The following STON2 variants were observed in gnomAD, a reference collection of about 807,000 sequenced individuals.
STON2 encodes stonin-2.
Under a neutral mutation model 65.7 loss-of-function variants are expected in STON2, and 29 were observed. That is an observed-to-expected ratio of 0.44 (90% CI 0.33 to 0.60). The LOEUF (loss-of-function observed/expected upper bound fraction) is 0.60, where lower values mean the gene tolerates loss of function less well. Among genes scored for constraint, STON2 ranks in the 20% least tolerant of loss-of-function variants. STON2 has a pLI of 0.03. For synonymous variants in STON2, 404 were observed against 414.2 expected (o/e 0.98, Z 0.30); for missense variants, 1,054 against 1,118.1 (o/e 0.94, Z 0.82).
At chr14:81,381,394 A>G (rs1357458761) in intron 3 of STON2, among the ~76,000 whole-genome samples, 1 of 152,212 alleles carries the variant, frequency 6.6e-6, no homozygotes, top group Non-Finnish European at 1.5e-5. Flanking sequence ...AAGGAGAATG[A>G]AAAGACCATT....
At chr14:81,378,944 C>A (rs1162859186) in intron 3 of STON2, among the ~76,000 whole-genome samples, 1 of 142,388 alleles carries the variant, frequency 7.0e-6, no homozygotes, top group Admixed American at 6.7e-5. Context: ...AACAGAAATA[C>A]CCCCCAAAGC....
intron 2 of STON2, among the ~76,000 whole-genome samples, chr14:81,415,259 T>C (rs1566950604): frequency 1.3e-5 from 2 of 151,432 alleles, no homozygotes; most frequent in African/African-American, 4.9e-5. Context: ...GGTACTATTA[T>C]TAATAACACC....
intron 5 of STON2, among the ~76,000 whole-genome samples, chr14:81,318,556 A>G (rs1202821503): frequency 6.6e-6 from 1 of 152,198 alleles, no homozygotes; most frequent in Admixed American, 6.5e-5. Context: ...TCTCACACTA[A>G]AAAAGTGAAA....
At chr14:81,368,639 G>A (rs188714459) in intron 4 of STON2, among the ~76,000 whole-genome samples, 73 of 152,234 alleles carry the variant, frequency 4.8e-4, no homozygotes, top group South Asian at 1.0e-3. Context: ...ACTTGAGCCT[G>A]GGAGACAGAG....
intron 2 of STON2, among the ~76,000 whole-genome samples, chr14:81,408,157 A>ACACACG (rs147841517): frequency 1.5e-4 from 22 of 150,522 alleles, no homozygotes; most frequent in African/African-American, 5.4e-4. Flanking sequence ...ACACACACAC[A>ACACACG]CGCGCACACA....
intron 4 of STON2, among the ~76,000 whole-genome samples, chr14:81,358,217 TC>T (rs1371293907): frequency 1.3e-5 from 2 of 151,960 alleles, no homozygotes; most frequent in Non-Finnish European, 2.9e-5. Context: ...AAATAAATTG[TC>T]AAAGGATACC....
intron 3 of STON2, among the ~76,000 whole-genome samples, chr14:81,394,795 T>C (rs185655033): frequency 6.6e-6 from 1 of 152,300 alleles, no homozygotes; most frequent in East Asian, 1.9e-4. Context: ...GACTCTCCCC[T>C]AGAGCTTCCA....
chr14:81,349,212 A>G (rs1451296955), intron 4 of STON2, among the ~76,000 whole-genome samples: 2 of 152,162 alleles, frequency 1.3e-5, no homozygotes, highest in Non-Finnish European at 2.9e-5. Flanking sequence ...TCAAAAGCAT[A>G]GGCAACAGAA....
intron 5 of STON2, among the ~76,000 whole-genome samples, chr14:81,294,753 C>T (rs2140165768): frequency 6.6e-6 from 1 of 152,296 alleles, no homozygotes; most frequent in East Asian, 1.9e-4. Flanking sequence ...GGCTCTACCA[C>T]AAACTCACTG....
chr14:81,347,304 G>C (rs1269905900), intron 4 of STON2, among the ~76,000 whole-genome samples: 1 of 151,940 alleles, frequency 6.6e-6, no homozygotes, highest in East Asian at 1.9e-4. Flanking sequence ...ATCTATATGT[G>C]AACAAATCAG....
intron 5 of STON2, among the ~76,000 whole-genome samples, chr14:81,284,901 T>C (rs1192266357): frequency 6.6e-6 from 1 of 152,246 alleles, no homozygotes; most frequent in Non-Finnish European, 1.5e-5. Flanking sequence ...GCCTGTGCTC[T>C]GTCAATGGAA....
intron 4 of STON2, among the ~76,000 whole-genome samples, chr14:81,360,299 A>G (rs1257197643): frequency 6.6e-6 from 1 of 152,222 alleles, no homozygotes; most frequent in East Asian, 1.9e-4. Context: ...GGCAAACTAA[A>G]TTTAATAGCA....
chr14:81,326,219 T>C (rs2140253754), intron 4 of STON2, among the ~76,000 whole-genome samples: 1 of 152,348 alleles, frequency 6.6e-6, no homozygotes. Flanking sequence ...GGATCCTATT[T>C]TCCCTTAGGA....
intron 5 of STON2, among the ~76,000 whole-genome samples, chr14:81,312,507 A>G (rs1896464131): frequency 6.6e-6 from 1 of 152,208 alleles, no homozygotes; most frequent in African/African-American, 2.4e-5. Context: ...TACTTCCTCT[A>G]TAAATTGCAA....
chr14:81,336,611 G>A lies in STON2; in HGVS notation c.572-12424C>T, dbSNP rs144931865. Among the ~76,000 whole-genome samples, 16 of 152,078 alleles carry A rather than the reference G, an allele frequency of 1.1e-4. No homozygotes were observed. In the East Asian group the frequency reaches 2.9e-3, roughly 28 times the overall value. On this transcript the variant is annotated intron_variant, in intron 4 of 7. Transcript: ENST00000614646. ...AATGTGGAATGATGGCAGCTCAACA[G>A]GACATGAAAGTCACCATGGGGAAAG... is the stretch of plus-strand genomic sequence containing the variant.
At position 81,265,881 on chromosome 14, in the gene STON2, G is replaced by C; in HGVS notation, c.*2533C>G. Reference sequence around the variant, plus strand: ...AGCAGATGAGGCAGAGATCTTGACAGAGTGCTAAGCGTGAGTGACTAAGGA... The same window carrying C: ...AGCAGATGAGGCAGAGATCTTGACACAGTGCTAAGCGTGAGTGACTAAGGA... On this transcript the variant is annotated 3_prime_UTR_variant, in exon 8 of 8. Coordinates refer to ENST00000614646, the MANE Select transcript of STON2 (RefSeq NM_001394390.1). The C allele has an allele frequency of 2.0e-6, 2 of 985,314 alleles. No individual in the cohort carries two copies. Among genetic ancestry groups the C allele is most frequent in the Non-Finnish European group, 2.4e-6 (2 of 829,902 alleles). The allele number at this position is 985,314 out of a possible 1,614,324, so 61.0% of individuals were successfully genotyped here.
rs57448032 is a variant in STON2 at position 81,330,662 on chromosome 14, G to A, written c.572-6475C>T. On this transcript the variant is annotated intron_variant, in intron 4 of 7. Transcript: ENST00000614646. ...CCTCAAATTTCCCCTCACCCACACT[G>A]CATTCCAACACTGTCAGGAGCACAT... Among the ~76,000 whole-genome samples, 1,494 of 152,234 alleles carry A rather than the reference G, an allele frequency of 9.8e-3. 34 individuals are homozygous for A. Among genetic ancestry groups the A allele is most frequent in the African/African-American group, 0.034 (1,410 of 41,532 alleles).
chr14:81,297,214 A>G (rs1895796732), intron 5 of STON2, among the ~76,000 whole-genome samples: 1 of 152,168 alleles, frequency 6.6e-6, no homozygotes, highest in Non-Finnish European at 1.5e-5. Context: ...ACTGTATGCC[A>G]GCTGGTCTGT....
chr14:81,417,529 G>C (rs868276785), intron 2 of STON2, among the ~76,000 whole-genome samples: 3 of 152,178 alleles, frequency 2.0e-5, no homozygotes, highest in South Asian at 2.1e-4. Context: ...TAGTATCTGA[G>C]GTAAGGGCAG....
Sources: allele counts gnomAD v4.1 joint callset (sites outside exome capture counted in the v4.1 genomes callset), GRCh38; gene constraint gnomAD v4.1.1; transcripts MANE v1.5; gene names NCBI Gene and HGNC (gene_info 2026-07-23, HGNC 2026-07-21).